CAPN1: variants seen among roughly 807,000 people sequenced by gnomAD.
CAPN1 encodes the protein calpain 1.
Under a neutral mutation model 105.2 loss-of-function variants are expected in CAPN1, and 77 were observed. The ratio of observed to expected loss-of-function variants is 0.73; its 90% CI spans 0.61 to 0.88. CAPN1 has a LOEUF of 0.88. Among genes scored for constraint, CAPN1 ranks in the 40% least tolerant of loss-of-function variants. CAPN1 has a pLI of 0.00. For missense variants in CAPN1, 833 were observed against 976.6 expected (o/e 0.85, Z 1.96); for synonymous variants, 355 against 388.8 (o/e 0.91, Z 1.02).
Position 65,183,462 on chromosome 11 carries a change from C to T in CAPN1, c.338-12C>T, listed in dbSNP as rs1233146110. 4 of 1,591,730 alleles carry T rather than the reference C, an allele frequency of 2.5e-6. No homozygotes were observed. In the Admixed American group the frequency reaches 6.7e-5, roughly 27 times the overall value. On this transcript the variant is annotated splice_polypyrimidine_tract_variant and intron_variant, in intron 3 of 21. Coordinates refer to ENST00000279247, the MANE Select transcript of CAPN1 (RefSeq NM_005186.4). ...TGGTAGAGCAGGCTAATGTGCATCC[C>T]TCCTGCCCCAGGGGACTGCTGGCTC...
intron 10 of CAPN1, among the ~76,000 whole-genome samples, chr11:65,204,037 C>G (rs561669923): frequency 2.7e-4 from 41 of 152,302 alleles, no homozygotes; most frequent in African/African-American, 9.6e-4. Flanking sequence ...AATGCAAGCC[C>G]CTGCCTTCCC....
At chr11:65,183,222 C>T (rs762462478) in intron 3 of CAPN1, 25 bp downstream of exon 3, 110 of 1,610,228 alleles carry the variant, frequency 6.8e-5, no homozygotes, top group Non-Finnish European at 8.6e-5. Flanking sequence ...CGTCGGGTCC[C>T]GGGTATTTTT....
At chr11:65,186,875 C>T (rs1301512634) in intron 6 of CAPN1, among the ~76,000 whole-genome samples, 2 of 152,240 alleles carry the variant, frequency 1.3e-5, no homozygotes, top group Admixed American at 1.3e-4. Context: ...CCGTGAGGCC[C>T]ACTGAGGGCT....
chr11:65,195,100 GTTTTTTTTT>G (rs60778423), intron 10 of CAPN1, among the ~76,000 whole-genome samples: 1 of 90,906 alleles, frequency 1.1e-5, no homozygotes, highest in African/African-American at 3.4e-5. Context: ...GTTTTTTGGG[GTTTTTTTTT>G]TTTTTTTTTT....
chr11:65,211,823 C>T lies in CAPN1; in HGVS notation c.*537C>T, dbSNP rs192522188. The T allele has an allele frequency of 8.8e-4, 142 of 161,124 alleles. 2 individuals carry two copies. Among genetic ancestry groups the T allele is most frequent in the Admixed American group, 7.1e-3 (121 of 17,130 alleles). The allele number at this position is 161,124 out of a possible 1,614,324, so 10.0% of individuals were successfully genotyped here. A position where few individuals can be genotyped will look rare whatever the true frequency, so the allele number is the denominator to read the frequency against. On this transcript the variant is annotated 3_prime_UTR_variant, in exon 22 of 22. Transcript: ENST00000279247. ...GCCCTGCTGCCGACCAGGAGCTGCC[C>T]AGCCTGTGGGCGGTCGGCCTTCCCT...
chr11:65,197,390 T>C (rs1214779102), intron 10 of CAPN1, among the ~76,000 whole-genome samples: 1 of 152,226 alleles, frequency 6.6e-6, no homozygotes, highest in African/African-American at 2.4e-5. Flanking sequence ...TTTTTTAAAA[T>C]CTAGTGACCA....
Position 65,211,257 on chromosome 11 carries a change from C to G in CAPN1, c.2119-3C>G. On this transcript the variant is annotated splice_region_variant and splice_polypyrimidine_tract_variant and intron_variant, in intron 21 of 21. Coordinates refer to ENST00000279247, the MANE Select transcript of CAPN1 (RefSeq NM_005186.4). ...CCCAGCTGACCTGCCTGTTCTCCCGCAGTGGTTGCAGCTGACCATGTTTGC... is the reference window on the plus strand; with the variant it reads ...CCCAGCTGACCTGCCTGTTCTCCCGGAGTGGTTGCAGCTGACCATGTTTGC... 6.2e-7 allele frequency: 1 copy of G among 1,612,840 alleles called. No individual in the cohort carries two copies.
intron 14 of CAPN1, among the ~76,000 whole-genome samples, chr11:65,207,469 G>A (rs1363740243): frequency 1.3e-5 from 2 of 151,636 alleles, no homozygotes; most frequent in African/African-American, 4.8e-5. Context: ...CAAAGTGCTA[G>A]GATTACAGGT....
In CAPN1 at chr11:65,188,379, G is replaced by T; in HGVS notation, c.930-35G>T. On this transcript the variant is annotated intron_variant, in intron 8 of 21. Transcript: ENST00000279247. This position sits in a 1 kb window ranked among gnomAD's most constrained non-coding sequence, Gnocchi z 5.5. ...AGGGACAGAGGCCAGGCAGGTCAGT[G>T]CCCACCAGCCCTGGCAGAGCCCTGC... is the stretch of plus-strand genomic sequence containing the variant. 1.3e-6 allele frequency: 2 copies of T among 1,574,542 alleles called. No homozygotes were observed. Among genetic ancestry groups the T allele is most frequent in the Non-Finnish European group, 1.7e-6 (2 of 1,154,686 alleles).
rs375914303 is a variant in CAPN1, at chr11:65,185,963, T to C, written c.503T>C (p.Leu168Pro). ...EWVDVVVDDL[L>P]PIKDGKLVFV... ...GTGGACGTGGTCGTGGATGACCTGC[T>C]GCCCATCAAGGACGGGAAGCTAGTG... The change falls in exon 5 of 22, where the codon CTG becomes CCG. Residue 168 changes from leucine (L) to proline (P), a missense_variant. Leu to Pro is a moderately conservative substitution (Grantham distance 98, BLOSUM62 -3). Coordinates refer to ENST00000279247, the MANE Select transcript of CAPN1 (RefSeq NM_005186.4). 25 of 1,598,710 alleles carry C rather than the reference T, an allele frequency of 1.6e-5. No homozygotes were observed. Among genetic ancestry groups the C allele is most frequent in the Non-Finnish European group, 2.1e-5 (25 of 1,172,640 alleles).
In CAPN1 at chr11:65,210,186, G is replaced by A; in HGVS notation, c.1942+90G>A. 1 of 1,208,544 alleles carries A rather than the reference G, an allele frequency of 8.3e-7. No individual in the cohort carries two copies. Among genetic ancestry groups the A allele is most frequent in the Non-Finnish European group, 1.2e-6 (1 of 816,158 alleles). The allele number at this position is 1,208,544 out of a possible 1,614,324, so 74.9% of individuals were successfully genotyped here. ...CCAGGCCCTTGTCCCTGGGGTGCTA[G>A]TGGTGACATGGTAACAGCCATCTTG... On this transcript the variant is annotated intron_variant, in intron 19 of 21. Coordinates refer to ENST00000279247, the MANE Select transcript of CAPN1 (RefSeq NM_005186.4). The surrounding 1 kb of genome is among the most constrained non-coding windows in gnomAD (Gnocchi z 4.3).
At chr11:65,205,983 T>G (rs915928262) in intron 12 of CAPN1, 4 of 541,064 alleles carry the variant, frequency 7.4e-6, no homozygotes, top group African/African-American at 3.8e-5. Context: ...AGGCTTTTCC[T>G]GCCTTGCCAT....
At chr11:65,199,965 T>C (rs1240229803) in intron 10 of CAPN1, among the ~76,000 whole-genome samples, 3 of 152,222 alleles carry the variant, frequency 2.0e-5, no homozygotes, top group African/African-American at 7.2e-5. Context: ...AGAGAGTTCT[T>C]TGAGTCCTCA....
intron 11 of CAPN1, 69 bp downstream of exon 11, chr11:65,204,927 G>T: frequency 7.2e-7 from 1 of 1,382,906 alleles, no homozygotes; most frequent in Non-Finnish European, 1.0e-6. Flanking sequence ...GACCCGCAGT[G>T]CAGGCGGGCT....
chr11:65,203,066 T>C (rs1948894943), intron 10 of CAPN1, among the ~76,000 whole-genome samples: 1 of 152,250 alleles, frequency 6.6e-6, no homozygotes, highest in Admixed American at 6.5e-5. Context: ...ATCAGAATGT[T>C]GTTCCTCTTT....
At chr11:65,189,493 G>A (rs367551384) in intron 10 of CAPN1, among the ~76,000 whole-genome samples, 2 of 152,016 alleles carry the variant, frequency 1.3e-5, no homozygotes, top group African/African-American at 2.4e-5. Context: ...GCAAACACCC[G>A]CTCTCTGACC....
At chr11:65,190,194 G>A (rs544271881) in intron 10 of CAPN1, among the ~76,000 whole-genome samples, 5 of 152,084 alleles carry the variant, frequency 3.3e-5, no homozygotes, top group South Asian at 2.1e-4. Flanking sequence ...TCATTTCTCC[G>A]CCCTCCTTCA....
rs750239516 is a variant in CAPN1, at chr11:65,210,451, C to G, written c.2058C>G (p.Phe686Leu). The change falls in exon 20 of 22, where the codon TTC becomes TTG. Residue 686 changes from phenylalanine to leucine, a missense_variant and splice_region_variant. Transcript: ENST00000279247. This position sits in a 1 kb window ranked among gnomAD's most constrained non-coding sequence, Gnocchi z 4.3. ...VCCLVRLETM[F>L]RFFKTLDTDL... ...GCCTGGTGCGGCTAGAGACCATGTT[C>G]CGTGAGTGTCCCCAACTGCCTCCCA... 4 of 1,592,394 alleles carry G rather than the reference C, an allele frequency of 2.5e-6. No homozygotes were observed. Among genetic ancestry groups the G allele is most frequent in the Non-Finnish European group, 3.4e-6 (4 of 1,162,214 alleles).
intron 10 of CAPN1, among the ~76,000 whole-genome samples, chr11:65,192,583 C>T (rs1948732526): frequency 6.6e-6 from 1 of 151,610 alleles, no homozygotes; most frequent in Admixed American, 6.6e-5. Flanking sequence ...TTTTCTGTTT[C>T]TTGAGCCAAT....
Sources: gnomAD v4.1 joint callset for allele counts (sites outside exome capture counted in the v4.1 genomes callset) on GRCh38, gnomAD v4.1.1 for gene constraint, Gnocchi (gnomAD v3.1) non-coding constraint, MANE v1.5 for transcripts, NCBI Gene and HGNC (gene_info 2026-07-23, HGNC 2026-07-21) for gene names.